The following ATP6V1C2 variants were observed in gnomAD, a reference collection of about 807,000 sequenced individuals.
The protein encoded by ATP6V1C2 is V-type proton ATPase subunit C 2.
In ATP6V1C2, 45 loss-of-function variants were observed where a neutral mutation model predicts 56.8. The observed-to-expected ratio is 0.79, with a 90% CI of 0.62 to 1.02. The LOEUF (loss-of-function observed/expected upper bound fraction) is 1.02, where lower values mean the gene tolerates loss of function less well. ATP6V1C2 is among the 50% of genes least tolerant of loss of function. The probability of loss-of-function intolerance (pLI) is 0.00; values close to 1 mark genes in which losing one functional copy is unlikely to be tolerated. For missense variants in ATP6V1C2, 463 were observed against 519.7 expected (o/e 0.89, Z 1.06); for synonymous variants, 220 against 201.3 (o/e 1.09, Z -0.79).
Position 10,784,293 on chromosome 2 carries a change from CATCACTGAGGTCA to C in ATP6V1C2, c.*1033_*1045del, listed in dbSNP as rs1665586678. 6.2e-7 allele frequency: 1 copy of C among 1,613,464 alleles called. No individual in the cohort carries two copies. Among genetic ancestry groups the C allele is most frequent in the Admixed American group, 1.7e-5 (1 of 59,750 alleles). On this transcript the variant is annotated 3_prime_UTR_variant, in exon 14 of 14. Transcript: ENST00000272238. ...TCTTTCCCTAAGTCATCAAGCTCCA[CATCACTGAGGTCA>C]ATGTCATCCTCCACGGGAAGCTGGG...
intron 5 of ATP6V1C2, 24 bp downstream of exon 5, chr2:10,764,449 G>A (rs1258217551): frequency 5.0e-6 from 8 of 1,603,506 alleles, no homozygotes; most frequent in African/African-American, 4.0e-5. Context: ...CTGCTCTGGG[G>A]AACAGCTGAC....
At chr2:10,773,868 A>G (rs1301596646) in intron 8 of ATP6V1C2, among the ~76,000 whole-genome samples, 4 of 152,206 alleles carry the variant, frequency 2.6e-5, no homozygotes, top group African/African-American at 9.6e-5. Context: ...ACGAGATGGC[A>G]ATCGGGATCT....
intron 3 of ATP6V1C2, among the ~76,000 whole-genome samples, chr2:10,752,409 A>G (rs1272516617): frequency 6.6e-6 from 1 of 152,158 alleles, no homozygotes; most frequent in Non-Finnish European, 1.5e-5. Flanking sequence ...CTTGTACTCC[A>G]TGTAGGATTC....
In ATP6V1C2 at chr2:10,752,308, T is replaced by C. The variant is rs185470976; in HGVS notation, c.198-1673T>C. On this transcript the variant is annotated intron_variant, in intron 3 of 13. Transcript: ENST00000272238. The stretch of plus-strand genomic sequence containing the variant: ...CCTTTGCTTTTATCAGGGTGTCCCG[T>C]GTCCCTGCCTCTGTTTTCTGTGTTG... 4.4e-3 allele frequency among the ~76,000 whole-genome samples: 674 copies of C among 152,328 alleles called. 5 individuals are homozygous for C. Among genetic ancestry groups the C allele is most frequent in the African/African-American group, 0.016 (648 of 41,580 alleles).
rs566657415 is a variant in ATP6V1C2, at chr2:10,741,984, C to T, written c.198-11997C>T. 2.1e-4 allele frequency among the ~76,000 whole-genome samples: 32 copies of T among 151,514 alleles called. 1 individual carries two copies. The highest frequency in any genetic ancestry group is 1.1e-3 in the Admixed American group (17 of 15,214). ...GGAGTGCAATGGCATGATCTTGGCT[C>T]GCTGCAATCTCGCTTCCCGGGCTCA... On this transcript the variant is annotated intron_variant, in intron 3 of 13. Coordinates refer to ENST00000272238, the MANE Select transcript of ATP6V1C2 (RefSeq NM_001039362.2).
upstream of ATP6V1C2, among the ~76,000 whole-genome samples, chr2:10,721,309 G>A (rs1661342526): frequency 6.6e-6 from 1 of 152,106 alleles, no homozygotes; most frequent in Non-Finnish European, 1.5e-5. Flanking sequence ...AGGGCGGGGT[G>A]GTCCCGAGCT....
Position 10,722,901 on chromosome 2 carries a change from G to A in ATP6V1C2, c.52G>A (p.Ala18Thr), listed in dbSNP as rs1034335798. Residue 18 changes from alanine to threonine, a missense_variant, in exon 2 of 14, where the codon GCT becomes ACT. By Grantham distance (58) the Ala-to-Thr change is moderately conservative. Coordinates refer to ENST00000272238, the MANE Select transcript of ATP6V1C2 (RefSeq NM_001039362.2). The part of the protein sequence containing the change: ...SAPGDKENLQ[A>T]LERMNTVTSK... Reference sequence around the variant, plus strand: ...CCCTGGCGATAAGGAAAATTTGCAAGCTCTGGAGAGGATGAATACTGTAAC... The same window carrying A: ...CCCTGGCGATAAGGAAAATTTGCAAACTCTGGAGAGGATGAATACTGTAAC... 11 of 1,613,992 alleles carry A rather than the reference G, an allele frequency of 6.8e-6. No homozygotes were observed. Among genetic ancestry groups the A allele is most frequent in the Admixed American group, 1.7e-5 (1 of 59,966 alleles).
At chr2:10,755,812 A>G (rs1239553617) in intron 4 of ATP6V1C2, among the ~76,000 whole-genome samples, 1 of 152,204 alleles carries the variant, frequency 6.6e-6, no homozygotes, top group Non-Finnish European at 1.5e-5. Flanking sequence ...TAAAAAGAAC[A>G]GAGGCTGCAC....
intron 4 of ATP6V1C2, among the ~76,000 whole-genome samples, chr2:10,762,770 C>G (rs1686504): frequency 6.6e-6 from 1 of 152,064 alleles, no homozygotes; most frequent in Non-Finnish European, 1.5e-5. Flanking sequence ...AGCCACCCAG[C>G]GAGAAAGCTG....
chr2:10,750,611 C>T (rs13020514), intron 3 of ATP6V1C2, among the ~76,000 whole-genome samples: 1 of 152,030 alleles, frequency 6.6e-6, no homozygotes, highest in Non-Finnish European at 1.5e-5. Flanking sequence ...TGAGTGAGTT[C>T]TCTTTTTAGG....
chr2:10,732,165 TCTTTCTTG>T (rs1219802262), intron 3 of ATP6V1C2, among the ~76,000 whole-genome samples: 4 of 152,186 alleles, frequency 2.6e-5, no homozygotes, highest in Admixed American at 2.6e-4. Context: ...CATTTTAGTT[TCTTTCTTG>T]CTTTCTTGCT....
chr2:10,729,172 C>CTTTTTTTTTTTTT (rs372762251), intron 3 of ATP6V1C2, among the ~76,000 whole-genome samples: 2 of 144,814 alleles, frequency 1.4e-5, no homozygotes, highest in African/African-American at 5.2e-5. Context: ...CATTGGAAAA[C>CTTTTTTTTTTTTT]TTTTTTTTTT....
At chr2:10,768,498 C>T (rs1043653572) in intron 5 of ATP6V1C2, among the ~76,000 whole-genome samples, 4 of 152,198 alleles carry the variant, frequency 2.6e-5, no homozygotes, top group African/African-American at 9.6e-5. Flanking sequence ...AAAGGTTGGG[C>T]TCACTGAGTC....
At chr2:10,782,603 C>T (rs528709711) in intron 13 of ATP6V1C2, among the ~76,000 whole-genome samples, 4 of 151,948 alleles carry the variant, frequency 2.6e-5, no homozygotes, top group Admixed American at 2.0e-4. Flanking sequence ...GAGGCCAAGG[C>T]GGGTGGATCA....
At chr2:10,782,966 C>A (rs1381167170) in intron 13 of ATP6V1C2, among the ~76,000 whole-genome samples, 1 of 148,220 alleles carries the variant, frequency 6.7e-6, no homozygotes, top group East Asian at 2.1e-4. Flanking sequence ...GTCTCAAAAA[C>A]AAAACAAAGC....
intron 8 of ATP6V1C2, among the ~76,000 whole-genome samples, chr2:10,773,159 A>G (rs1664740478): frequency 2.0e-5 from 3 of 152,182 alleles, no homozygotes; most frequent in Admixed American, 6.5e-5. Flanking sequence ...GGAGGGATGA[A>G]GGGGAAAGGC....
At chr2:10,727,071 CCCTT>C (rs1661684989) in intron 3 of ATP6V1C2, among the ~76,000 whole-genome samples, 2 of 109,116 alleles carry the variant, frequency 1.8e-5, no homozygotes, top group African/African-American at 3.7e-5. Flanking sequence ...CTCCCTCCCT[CCCTT>C]CCTCCCTTTT....
At chr2:10,764,782 C>T (rs1452523201) in intron 5 of ATP6V1C2, among the ~76,000 whole-genome samples, 2 of 152,164 alleles carry the variant, frequency 1.3e-5, no homozygotes, top group Non-Finnish European at 2.9e-5. Context: ...CCAGTCTGTC[C>T]AATATGGTGA....
At chr2:10,726,411 A>G in intron 2 of ATP6V1C2, 91 bp from the exon 3 acceptor site, 1 of 1,008,164 alleles carries the variant, frequency 9.9e-7, no homozygotes, top group Non-Finnish European at 1.6e-6. Flanking sequence ...CAAATTCAAG[A>G]TGAAGTGACA....
Sources: allele counts gnomAD v4.1 joint callset (sites outside exome capture counted in the v4.1 genomes callset), GRCh38; gene constraint gnomAD v4.1.1; transcripts MANE v1.5; gene names NCBI Gene and HGNC (gene_info 2026-07-23, HGNC 2026-07-21).